Variants in NEIL3 observed in about 807,000 individuals in gnomAD.
The protein encoded by NEIL3 is endonuclease 8-like 3.
A neutral mutation model predicts 57.5 loss-of-function variants in NEIL3; 48 were observed. The ratio of observed to expected loss-of-function variants is 0.83; its 90% CI spans 0.66 to 1.06. The LOEUF is 1.06. NEIL3 is among the 50% of genes least tolerant of loss of function. The pLI, the probability that NEIL3 is intolerant of heterozygous loss-of-function variation, is 0.00. For missense variants in NEIL3, 717 were observed against 739.1 expected, an observed-to-expected ratio of 0.97 and a Z score of 0.35; for synonymous variants, 261 against 253.2, an observed-to-expected ratio of 1.03 and a Z score of -0.29.
At chr4:177,355,848 A>G (rs1735461496) in intron 8 of NEIL3, among the ~76,000 whole-genome samples, 1 of 152,156 alleles carries the variant, frequency 6.6e-6, no homozygotes, top group African/African-American at 2.4e-5. Context: ...GTTAATCCTG[A>G]TGATTTATCC....
At chr4:177,333,049 A>T (rs997200074) in intron 2 of NEIL3, among the ~76,000 whole-genome samples, 2 of 151,978 alleles carry the variant, frequency 1.3e-5, no homozygotes, top group African/African-American at 4.8e-5. Flanking sequence ...AGCATTGTTA[A>T]AACCATATCT....
In NEIL3 at chr4:177,312,668, G is replaced by A. The variant is rs140757348; in HGVS notation, c.156+2559G>A. On this transcript the variant is annotated intron_variant, in intron 1 of 9. Coordinates refer to ENST00000264596, the MANE Select transcript of NEIL3 (RefSeq NM_018248.3). ...GTTATACCCCACACATAAAAAGCCTGGCATTTAAAGGTATTATTTTTGATA... is the reference window on the plus strand; with the variant it reads ...GTTATACCCCACACATAAAAAGCCTAGCATTTAAAGGTATTATTTTTGATA... 2.3e-3 allele frequency among the ~76,000 whole-genome samples: 345 copies of A among 152,130 alleles called. 2 individuals carry two copies. Among genetic ancestry groups the A allele is most frequent in the African/African-American group, 6.4e-3 (266 of 41,488 alleles).
At chr4:177,320,965 T>C (rs991659878) in intron 1 of NEIL3, among the ~76,000 whole-genome samples, 6 of 151,980 alleles carry the variant, frequency 3.9e-5, no homozygotes, top group Non-Finnish European at 8.8e-5. Context: ...GTCTCTTTTT[T>C]TTTTTTTTCT....
chr4:177,316,548 G>T (rs1578985730), intron 1 of NEIL3, among the ~76,000 whole-genome samples: 1 of 152,100 alleles, frequency 6.6e-6, no homozygotes, highest in African/African-American at 2.4e-5. Context: ...AGATGGTAGA[G>T]TAGAAGATTT....
At position 177,341,570 on chromosome 4, in the gene NEIL3, T is replaced by C. The variant is rs1735093021; in HGVS notation, c.797T>C (p.Phe266Ser). 1.2e-6 allele frequency: 2 copies of C among 1,613,750 alleles called. No individual in the cohort carries two copies. Among genetic ancestry groups the C allele is most frequent in the Non-Finnish European group, 1.7e-6 (2 of 1,179,908 alleles). The change falls in exon 6 of 10, where the codon TTT (phenylalanine) becomes TCT (serine). Residue 266 changes from phenylalanine (F) to serine (S), a missense_variant. Physicochemically the swap from Phe to Ser is radical, Grantham distance 155 (BLOSUM62 -2). Transcript: ENST00000264596. Reference protein sequence around the residue: ...QCHCRITVCRFGDNNRMTYFC... With the variant: ...QCHCRITVCRSGDNNRMTYFC... The stretch of plus-strand genomic sequence containing the variant: ...CACTGCAGAATAACTGTGTGCCGCT[T>C]TGGGGACAATAACAGAATGACATAT...
At chr4:177,335,365 G>A (rs1308662373) in intron 2 of NEIL3, among the ~76,000 whole-genome samples, 1 of 152,104 alleles carries the variant, frequency 6.6e-6, no homozygotes, top group Non-Finnish European at 1.5e-5. Context: ...ACTGTTCCAT[G>A]AATAAAAGAT....
intron 6 of NEIL3, among the ~76,000 whole-genome samples, chr4:177,342,148 G>A (rs974124303): frequency 9.2e-5 from 14 of 152,202 alleles, no homozygotes; most frequent in Non-Finnish European, 1.8e-4. Flanking sequence ...TAGGTTTGAG[G>A]ACTTACTGTG....
chr4:177,341,394 G>C (rs1735087649), intron 5 of NEIL3, 82 bp from the exon 6 acceptor site: 1 of 1,124,152 alleles, frequency 8.9e-7, no homozygotes, highest in Non-Finnish European at 1.2e-6. Flanking sequence ...ATTTTCAGAG[G>C]TGACTTTCGA....
intron 5 of NEIL3, among the ~76,000 whole-genome samples, chr4:177,340,459 T>C (rs529059766): frequency 6.6e-6 from 1 of 152,380 alleles, no homozygotes; most frequent in South Asian, 2.1e-4. Flanking sequence ...AATATGTATT[T>C]TCTTTCTTCA....
At chr4:177,329,232 A>ACAGTATATT (rs1734837218) in intron 2 of NEIL3, among the ~76,000 whole-genome samples, 2 of 152,194 alleles carry the variant, frequency 1.3e-5, no homozygotes, top group Non-Finnish European at 2.9e-5. Context: ...CAATAGTAAT[A>ACAGTATATT]CAGTATATTT....
At chr4:177,339,649 A>G (rs1735050459) in intron 4 of NEIL3, 134 bp from the exon 5 acceptor site, 1 of 640,814 alleles carries the variant, frequency 1.6e-6, no homozygotes, top group Non-Finnish European at 2.7e-6. Context: ...CCCAGTTCAA[A>G]CCCATGTTGT....
At chr4:177,348,043 C>T (rs1324038988) in intron 6 of NEIL3, among the ~76,000 whole-genome samples, 1 of 152,198 alleles carries the variant, frequency 6.6e-6, no homozygotes, top group Non-Finnish European at 1.5e-5. Flanking sequence ...GATAGTGACA[C>T]ATCTCCAACT....
At chr4:177,349,642 A>G (rs747678488) in intron 6 of NEIL3, among the ~76,000 whole-genome samples, 2 of 152,204 alleles carry the variant, frequency 1.3e-5, no homozygotes, top group African/African-American at 4.8e-5. Context: ...ATTGTGCCCT[A>G]TGTCTTTGGG....
chr4:177,345,004 G>A (rs1240094270), intron 6 of NEIL3, among the ~76,000 whole-genome samples: 1 of 151,950 alleles, frequency 6.6e-6, no homozygotes, highest in Non-Finnish European at 1.5e-5. Flanking sequence ...TATTTATTAG[G>A]GTCTGCTATA....
chr4:177,331,404 G>A (rs756562773), intron 2 of NEIL3, among the ~76,000 whole-genome samples: 2 of 151,074 alleles, frequency 1.3e-5, no homozygotes, highest in African/African-American at 2.4e-5. Context: ...CTGTTCATGT[G>A]CCTTTATACT....
intron 1 of NEIL3, among the ~76,000 whole-genome samples, chr4:177,311,394 G>A (rs572769072): frequency 2.0e-5 from 3 of 152,034 alleles, no homozygotes; most frequent in East Asian, 1.9e-4. Flanking sequence ...CTGAGGTGTG[G>A]GCCGGGTGCA....
intron 6 of NEIL3, among the ~76,000 whole-genome samples, chr4:177,349,371 A>G (rs1023358148): frequency 1.3e-5 from 2 of 151,948 alleles, no homozygotes; most frequent in Admixed American, 6.5e-5. Flanking sequence ...ACTGGGGGGA[A>G]TCATATTCCT....
At chr4:177,361,821 T>C (rs1050245123) in intron 9 of NEIL3, among the ~76,000 whole-genome samples, 1 of 152,114 alleles carries the variant, frequency 6.6e-6, no homozygotes, top group Non-Finnish European at 1.5e-5. Flanking sequence ...AGACAGGGTC[T>C]CCCTATGTTG....
intron 8 of NEIL3, among the ~76,000 whole-genome samples, chr4:177,357,366 AT>A (rs111326874): frequency 0.036 from 5,348 of 150,470 alleles, 128 homozygotes; most frequent in Non-Finnish European, 0.054. Context: ...TTTTTGTGTG[AT>A]TTTTTTTTTA....
Sources: allele counts gnomAD v4.1 joint callset (sites outside exome capture counted in the v4.1 genomes callset), GRCh38; gene constraint gnomAD v4.1.1; transcripts MANE v1.5; gene names NCBI Gene and HGNC (gene_info 2026-07-23, HGNC 2026-07-21).